Variants in TMTC3 observed in about 807,000 individuals in gnomAD.
The protein encoded by TMTC3 is transmembrane O-mannosyltransferase targeting cadherins 3.
In TMTC3, 52 loss-of-function variants were observed where a neutral mutation model predicts 92.2. The observed-to-expected ratio is 0.56, with a 90% CI of 0.45 to 0.71. The LOEUF (loss-of-function observed/expected upper bound fraction) is 0.71, where lower values mean the gene tolerates loss of function less well. TMTC3 is among the 30% of genes least tolerant of loss of function. The pLI, the probability that TMTC3 is intolerant of heterozygous loss-of-function variation, is 0.00. For missense variants in TMTC3, 896 were observed against 1,057.1 expected, an observed-to-expected ratio of 0.85 and a Z score of 2.11; for synonymous variants, 339 against 363.3, an observed-to-expected ratio of 0.93 and a Z score of 0.76.
intron 6 of TMTC3, among the ~76,000 whole-genome samples, chr12:88,164,824 G>A (rs1321478756): frequency 6.6e-6 from 1 of 151,804 alleles, no homozygotes; most frequent in African/African-American, 2.4e-5. Flanking sequence ...ACCCAAAACT[G>A]TGTGATATTT....
Position 88,195,406 on chromosome 12 carries a change from A to T in TMTC3, c.2502A>T (p.Ser834=), listed in dbSNP as rs751208352. ...CAATATTCCCAACCAGTAAGATTTC[A>T]AGTGTGGAAGGAAAGAAAATTCCAA... ...IEPIFPTSKI[S]SVEGKKIPTE... The change falls in exon 14 of 14, where the codon TCA becomes TCT. Residue 834 remains serine, a synonymous_variant. Coordinates refer to ENST00000266712, the MANE Select transcript of TMTC3 (RefSeq NM_181783.4). 6 of 1,613,642 alleles carry T rather than the reference A, an allele frequency of 3.7e-6. No individual in the cohort carries two copies. The East Asian group carries it at 6.7e-5, about 18-fold the overall frequency.
At chr12:88,194,336 A>G (rs1011271725) in intron 13 of TMTC3, among the ~76,000 whole-genome samples, 1 of 152,200 alleles carries the variant, frequency 6.6e-6, no homozygotes, top group African/African-American at 2.4e-5. Context: ...TTAAAATGTG[A>G]TACAGTCATT....
chr12:88,172,779 T>G, intron 8 of TMTC3, 34 bp downstream of exon 8: 1 of 1,576,322 alleles, frequency 6.3e-7, no homozygotes, highest in Non-Finnish European at 8.6e-7. Context: ...TAATGCTTAC[T>G]ATGGAATTAA....
At position 88,196,686 on chromosome 12, in the gene TMTC3, A is replaced by ATATC. The variant is rs1379724473; in HGVS notation, c.*1039_*1042dup. On this transcript the variant is annotated 3_prime_UTR_variant, in exon 14 of 14. Coordinates refer to ENST00000266712, the MANE Select transcript of TMTC3 (RefSeq NM_181783.4). Reference sequence around the variant, plus strand: ...TAACTTCTTGATATTTTGTTATGGTATATCTTTTTATTAAATATTTATTTT... The same window carrying ATATC: ...TAACTTCTTGATATTTTGTTATGGTATATCTATCTTTTTATTAAATATTTATTTT... 1 of 151,930 alleles carries ATATC rather than the reference A, an allele frequency of 6.6e-6. No individual in the cohort carries two copies. The highest frequency in any genetic ancestry group is 2.4e-5 in the African/African-American group (1 of 41,446). 9.4% of individuals were successfully genotyped at this position (151,930 alleles called of 1,614,324 possible).
At chr12:88,179,502 A>G (rs2041293971) in intron 10 of TMTC3, among the ~76,000 whole-genome samples, 1 of 152,200 alleles carries the variant, frequency 6.6e-6, no homozygotes, top group East Asian at 1.9e-4. Flanking sequence ...CTAGGCAATA[A>G]TGTATATTCA....
intron 10 of TMTC3, among the ~76,000 whole-genome samples, chr12:88,179,704 A>C (rs896072544): frequency 2.6e-5 from 4 of 152,016 alleles, no homozygotes; most frequent in Admixed American, 6.6e-5. Flanking sequence ...AGCAGCCACC[A>C]AGAGAGTGCA....
At chr12:88,147,588 A>AT (rs1188873656) in intron 1 of TMTC3, among the ~76,000 whole-genome samples, 5 of 152,054 alleles carry the variant, frequency 3.3e-5, no homozygotes, top group Non-Finnish European at 7.4e-5. Flanking sequence ...TCAGAGGTAA[A>AT]TTTTTTGAGA....
intron 6 of TMTC3, among the ~76,000 whole-genome samples, chr12:88,161,395 G>T (rs2471541): frequency 0.93 from 141,164 of 152,170 alleles, 65,603 homozygotes; most frequent in East Asian, 0.99. Context: ...GTTAGTGTTA[G>T]GTGGTGTATC....
chr12:88,179,092 A>G (rs529357561), intron 10 of TMTC3, among the ~76,000 whole-genome samples: 129 of 152,324 alleles, frequency 8.5e-4, no homozygotes, highest in Middle Eastern at 3.4e-3. Context: ...TGTTTCTATT[A>G]ATCATAAGCC....
chr12:88,168,609 A>T (rs190678904), intron 7 of TMTC3, among the ~76,000 whole-genome samples: 33 of 152,244 alleles, frequency 2.2e-4, no homozygotes, highest in African/African-American at 7.7e-4. Flanking sequence ...GATATCCCTG[A>T]TGGGTTGGCT....
At chr12:88,186,161 A>C (rs1301287960) in intron 10 of TMTC3, among the ~76,000 whole-genome samples, 2 of 152,126 alleles carry the variant, frequency 1.3e-5, no homozygotes, top group South Asian at 4.1e-4. Context: ...AGTTGCCTGA[A>C]AACTTCCCAG....
chr12:88,175,523 T>C lies in TMTC3; in HGVS notation c.1321-685T>C, dbSNP rs75243236. Among the ~76,000 whole-genome samples, 541 of 152,278 alleles carry C rather than the reference T, an allele frequency of 3.6e-3. 5 individuals carry two copies. The highest frequency in any genetic ancestry group is 0.011 in the South Asian group (53 of 4,820). On this transcript the variant is annotated intron_variant, in intron 9 of 13. Transcript: ENST00000266712. ...CTAAGATCAGATGAGTCTCTTCTTA[T>C]ACAACTCAGTAGCTCTACTCTCTCT...
At chr12:88,167,622 G>A (rs970755967) in intron 7 of TMTC3, among the ~76,000 whole-genome samples, 1 of 151,980 alleles carries the variant, frequency 6.6e-6, no homozygotes, top group Non-Finnish European at 1.5e-5. Context: ...CACAGTTCAC[G>A]TTTCCAGAGA....
rs774629973 is a variant in TMTC3 at position 88,195,483 on chromosome 12, A to C, written c.2579A>C (p.Lys860Thr). ...GAATCCAGACAAACACAAATAGTAA[A>C]AACAAGTGATAATAAAAGTCAGTCT... Reference protein sequence around the residue: ...RGESRQTQIVKTSDNKSQSKS... With the variant: ...RGESRQTQIVTTSDNKSQSKS... Residue 860 changes from lysine (K) to threonine (T), a missense_variant, in exon 14 of 14, where the codon AAA (lysine) becomes ACA (threonine). Transcript: ENST00000266712. The C allele has an allele frequency of 1.2e-6, 2 of 1,612,868 alleles. No individual in the cohort carries two copies. Among genetic ancestry groups the C allele is most frequent in the East Asian group, 4.5e-5 (2 of 44,802 alleles).
chr12:88,147,900 G>A (rs2040895128), intron 1 of TMTC3, among the ~76,000 whole-genome samples: 1 of 152,114 alleles, frequency 6.6e-6, no homozygotes, highest in Non-Finnish European at 1.5e-5. Context: ...AAGGGATGGA[G>A]GGTCTCAACC....
chr12:88,160,874 T>C (rs780353221), intron 6 of TMTC3, 23 bp downstream of exon 6: 21 of 1,557,294 alleles, frequency 1.3e-5, no homozygotes, highest in Non-Finnish European at 1.7e-5. Flanking sequence ...GGTTCTTTGT[T>C]TTCTCCATTC....
At chr12:88,154,509 T>C (rs2040982550) in intron 4 of TMTC3, 122 bp downstream of exon 4, 1 of 547,796 alleles carries the variant, frequency 1.8e-6, no homozygotes, top group Non-Finnish European at 3.1e-6. Flanking sequence ...CTTTATGTAT[T>C]GTTTTACTTT....
chr12:88,191,857 G>A (rs543444035), intron 12 of TMTC3, among the ~76,000 whole-genome samples: 2 of 151,774 alleles, frequency 1.3e-5, no homozygotes, highest in African/African-American at 4.8e-5. Context: ...CTACAGGCGC[G>A]TGCCACCATG....
Position 88,198,610 on chromosome 12 carries a change from G to GTT in TMTC3, c.*2963_*2964dup, listed in dbSNP as rs2041542861. On this transcript the variant is annotated 3_prime_UTR_variant, in exon 14 of 14. Transcript: ENST00000266712. ...TATTTTGCTTTTCAATTTTGTGTTT[G>GTT]TTTACTTTTATGTAAAAATTTGATA... 1 of 389,132 alleles carries GTT rather than the reference G, an allele frequency of 2.6e-6. No homozygotes were observed. Among genetic ancestry groups the GTT allele is most frequent in the Admixed American group, 4.4e-5 (1 of 22,552 alleles). The allele number at this position is 389,132 out of a possible 1,614,324, so 24.1% of individuals were successfully genotyped here.
Sources: allele counts gnomAD v4.1 joint callset (sites outside exome capture counted in the v4.1 genomes callset), GRCh38; gene constraint gnomAD v4.1.1; transcripts MANE v1.5; gene names NCBI Gene and HGNC (gene_info 2026-07-23, HGNC 2026-07-21).